Variants in CNGB1 observed in about 807,000 individuals in gnomAD.
CNGB1 encodes cyclic nucleotide gated channel subunit beta 1.
In CNGB1, 126 loss-of-function variants were observed where a neutral mutation model predicts 151.7. The observed-to-expected ratio is 0.83, with a 90% CI of 0.72 to 0.96. CNGB1 has a LOEUF of 0.96. Among genes scored for constraint, CNGB1 ranks in the 40% least tolerant of loss-of-function variants. The pLI, the probability that CNGB1 is intolerant of heterozygous loss-of-function variation, is 0.00. For synonymous variants in CNGB1, 623 were observed against 635.1 expected, an observed-to-expected ratio of 0.98 and a Z score of 0.29; for missense variants, 1,698 against 1,627.0, an observed-to-expected ratio of 1.04 and a Z score of -0.75.
At chr16:57,961,165 A>G (rs1374882935) in intron 7 of CNGB1, among the ~76,000 whole-genome samples, 2 of 152,148 alleles carry the variant, frequency 1.3e-5, no homozygotes, top group African/African-American at 2.4e-5. Flanking sequence ...AGCAGGGGAG[A>G]GGCAAGAGCC....
intron 14 of CNGB1, 66 bp from the exon 15 acceptor site, chr16:57,940,387 C>T (rs1265171179): frequency 6.8e-7 from 1 of 1,466,456 alleles, no homozygotes; most frequent in Non-Finnish European, 9.3e-7. Context: ...TTTCCCCAGC[C>T]CTGCTGAGGG....
rs1466382024 is a variant in CNGB1 at position 57,931,887 on chromosome 16, G to A, written c.1373-9C>T. The A allele has an allele frequency of 6.2e-7, 1 of 1,613,916 alleles. No individual in the cohort carries two copies. The highest frequency in any genetic ancestry group is 8.5e-7 in the Non-Finnish European group (1 of 1,179,976). Reference sequence around the variant, plus strand: ...CTGTTTCGTGGCAGGCACTGGGGGAGAGGAAGGAGAGGAGAAAGTCAGAGA... The same window carrying A: ...CTGTTTCGTGGCAGGCACTGGGGGAAAGGAAGGAGAGGAGAAAGTCAGAGA... On this transcript the variant is annotated splice_polypyrimidine_tract_variant and intron_variant, in intron 16 of 32. Coordinates refer to ENST00000251102, the MANE Select transcript of CNGB1 (RefSeq NM_001297.5).
Position 57,884,254 on chromosome 16 carries a change from C to G in CNGB1, c.3666G>C (p.Ser1222=). 3 of 1,613,860 alleles carry G rather than the reference C, an allele frequency of 1.9e-6. No individual in the cohort carries two copies. Among genetic ancestry groups the G allele is most frequent in the South Asian group, 1.1e-5 (1 of 91,090 alleles). ...GGCCCGGGCTCATGCAGATCCTCAC[C>G]GAGTGCTCTTCGGGCTCGGCCGGCC... is the stretch of plus-strand genomic sequence containing the variant. ...EEGPAEPEEH[S]VRICMSPGPE... Residue 1222 remains serine, a synonymous_variant, in exon 33 of 33, where the codon TCG becomes TCC. Coordinates refer to ENST00000251102, the MANE Select transcript of CNGB1 (RefSeq NM_001297.5).
intron 25 of CNGB1, among the ~76,000 whole-genome samples, chr16:57,910,578 C>T (rs755522069): frequency 3.3e-5 from 5 of 151,474 alleles, no homozygotes; most frequent in Admixed American, 6.6e-5. Flanking sequence ...TTCGCTGTGT[C>T]GGCCAGGCTG....
At chr16:57,913,584 G>A (rs1358578716) in intron 23 of CNGB1, among the ~76,000 whole-genome samples, 1 of 152,014 alleles carries the variant, frequency 6.6e-6, no homozygotes, top group African/African-American at 2.4e-5. Context: ...GGGCTCAAGC[G>A]ATTTTTCAGC....
At chr16:57,961,654 A>ATGAG (rs1356769030) in intron 7 of CNGB1, among the ~76,000 whole-genome samples, 1 of 152,116 alleles carries the variant, frequency 6.6e-6, no homozygotes, top group East Asian at 1.9e-4. Context: ...GAATGAATGA[A>ATGAG]TGAATGAATG....
chr16:57,944,713 G>A (rs770628500), intron 14 of CNGB1, among the ~76,000 whole-genome samples: 40 of 151,794 alleles, frequency 2.6e-4, no homozygotes, highest in Non-Finnish European at 4.4e-5. Flanking sequence ...CCAGCACTTC[G>A]GGAGGTCGAG....
rs781217584 is a variant in CNGB1, at chr16:57,884,407, G to C, written c.3513C>G (p.Asp1171Glu). 2 of 1,613,596 alleles carry C rather than the reference G, an allele frequency of 1.2e-6. No individual in the cohort carries two copies. Among genetic ancestry groups the C allele is most frequent in the Non-Finnish European group, 1.7e-6 (2 of 1,179,900 alleles). ...VKGEEGSAAPDQHTHPKEAAT... is the reference protein window; with the variant it reads ...VKGEEGSAAPEQHTHPKEAAT... ...CGGCCTCCTTTGGGTGCGTGTGCTG[G>C]TCTGGGGCGGCGGAGCCTTCCTCTC... The change falls in exon 33 of 33, where the codon GAC becomes GAG. Residue 1171 changes from aspartate to glutamate, a missense_variant. Physicochemically the swap from Asp to Glu is conservative, Grantham distance 45 (BLOSUM62 2). Coordinates refer to ENST00000251102, the MANE Select transcript of CNGB1 (RefSeq NM_001297.5).
At chr16:57,941,398 C>CGGTGGGGCAGGAA (rs1291687653) in intron 14 of CNGB1, among the ~76,000 whole-genome samples, 2 of 152,144 alleles carry the variant, frequency 1.3e-5, no homozygotes, top group Non-Finnish European at 2.9e-5. Context: ...TGAGCAAGGA[C>CGGTGGGGCAGGAA]GGTGGGGCAG....
In CNGB1 at chr16:57,950,383, G is replaced by C. The variant is rs1288321792; in HGVS notation, c.1032C>G (p.Pro344=). Residue 344 remains proline (P), a splice_region_variant and synonymous_variant, in exon 13 of 33, where the codon CCC becomes CCG. Coordinates refer to ENST00000251102, the MANE Select transcript of CNGB1 (RefSeq NM_001297.5). ...EEENKAVEKM[P]RELSRIEEEK... ...TAGGGTCTTCTCAGACTCCCCACCT[G>C]GGCATCTTCTCCACAGCTTTGTTCT... 3 of 1,614,054 alleles carry C rather than the reference G, an allele frequency of 1.9e-6. No homozygotes were observed.
intron 7 of CNGB1, among the ~76,000 whole-genome samples, chr16:57,961,550 C>T (rs192272045): frequency 2.8e-4 from 42 of 152,190 alleles, no homozygotes; most frequent in Non-Finnish European, 4.6e-4. Context: ...TCCTAAATTG[C>T]TTTAGTGGTC....
chr16:57,905,455 TC>T (rs1960523229), intron 25 of CNGB1, among the ~76,000 whole-genome samples: 1 of 152,210 alleles, frequency 6.6e-6, no homozygotes, highest in African/African-American at 2.4e-5. Flanking sequence ...CTCTAAGATG[TC>T]ATCCACCAGC....
intron 31 of CNGB1, among the ~76,000 whole-genome samples, chr16:57,888,663 G>A (rs573304288): frequency 5.9e-5 from 9 of 152,254 alleles, no homozygotes; most frequent in Non-Finnish European, 8.8e-5. Flanking sequence ...TGTTGCCCAG[G>A]CTGGTCTCAA....
rs1265734528 is a variant in CNGB1, at chr16:57,897,506, T to C, written c.3133A>G (p.Asn1045Asp). 6.2e-7 allele frequency: 1 copy of C among 1,614,006 alleles called. No individual in the cohort carries two copies. Among genetic ancestry groups the C allele is most frequent in the African/African-American group, 1.3e-5 (1 of 74,914 alleles). Residue 1045 changes from asparagine to aspartate, a missense_variant, in exon 31 of 33, where the codon AAC (asparagine) becomes GAC (aspartate). Transcript: ENST00000251102. ...TTGGTAAACCCGTGCGCCACCACGTTGGCCGTGCGCCGGTTCCCGCCCCCA... is the reference window on the plus strand; with the variant it reads ...TTGGTAAACCCGTGCGCCACCACGTCGGCCGTGCGCCGGTTCCCGCCCCCA... The part of the protein sequence containing the change: ...AVGGGNRRTA[N>D]VVAHGFTNLF...
At chr16:57,921,217 C>CTTTTT (rs1185678390) in intron 18 of CNGB1, among the ~76,000 whole-genome samples, 40 of 90,108 alleles carry the variant, frequency 4.4e-4, no homozygotes, top group African/African-American at 1.3e-3. Flanking sequence ...AAATGAGGCT[C>CTTTTT]TTTTTTTTTT....
chr16:57,933,320 T>C (rs1487965908), intron 16 of CNGB1, among the ~76,000 whole-genome samples: 1 of 152,204 alleles, frequency 6.6e-6, no homozygotes, highest in Non-Finnish European at 1.5e-5. Flanking sequence ...TACTTCCTAT[T>C]TGGATAACTG....
intron 20 of CNGB1, 122 bp from the exon 21 acceptor site, chr16:57,917,598 GTGTGTGTA>G (rs1171484669): frequency 4.8e-6 from 3 of 621,840 alleles, no homozygotes; most frequent in African/African-American, 3.5e-5. Flanking sequence ...TTTTGTAAGA[GTGTGTGTA>G]TGTGTGTGTG....
At chr16:57,911,693 G>C in intron 25 of CNGB1, 60 bp downstream of exon 25, 5 of 1,607,850 alleles carry the variant, frequency 3.1e-6, no homozygotes, top group Admixed American at 1.7e-5. Context: ...TCTGTGCTGC[G>C]AATTATAAAG....
In CNGB1 at chr16:57,923,301, A is replaced by T; in HGVS notation, c.1615T>A (p.Ser539Thr). The T allele has an allele frequency of 6.2e-7, 1 of 1,609,566 alleles. No individual in the cohort carries two copies. Among genetic ancestry groups the T allele is most frequent in the Non-Finnish European group, 8.5e-7 (1 of 1,178,450 alleles). The change falls in exon 18 of 33, where the codon TCT becomes ACT. Residue 539 changes from serine to threonine, a missense_variant. Transcript: ENST00000251102. Reference protein sequence around the residue: ...SPAESPVVAWSDPTTPKDTDG... With the variant: ...SPAESPVVAWTDPTTPKDTDG... ...GTGTCCTTCGGGGTGGTGGGGTCAGACCAGGCAACCACTGGGGACTCTGCT... is the reference window on the plus strand; with the variant it reads ...GTGTCCTTCGGGGTGGTGGGGTCAGTCCAGGCAACCACTGGGGACTCTGCT...
Sources: allele counts gnomAD v4.1 joint callset (sites outside exome capture counted in the v4.1 genomes callset), GRCh38; gene constraint gnomAD v4.1.1; transcripts MANE v1.5; gene names NCBI Gene and HGNC (gene_info 2026-07-23, HGNC 2026-07-21).